PPP2R2B: variants seen among roughly 807,000 people sequenced by gnomAD.
PPP2R2B encodes the protein protein phosphatase 2 regulatory subunit Bbeta, also known as serine/threonine-protein phosphatase 2A 55 kDa regulatory subunit B beta isoform.
In PPP2R2B, 5 loss-of-function variants were observed where a neutral mutation model predicts 46.0. The observed-to-expected ratio is 0.11, with a 90% CI of 0.06 to 0.23. The LOEUF is 0.23. Ranked by LOEUF, PPP2R2B falls within the 10% of genes least tolerant of loss-of-function variation. PPP2R2B has a pLI of 1.00. For missense variants in PPP2R2B, 367 were observed against 575.0 expected, an observed-to-expected ratio of 0.64 and a Z score of 3.70; for synonymous variants, 215 against 206.7, an observed-to-expected ratio of 1.04 and a Z score of -0.34.
chr5:146,784,457 T>C (rs566648305), intron 2 of PPP2R2B, among the ~76,000 whole-genome samples: 1 of 152,304 alleles, frequency 6.6e-6, no homozygotes, highest in South Asian at 2.1e-4. Flanking sequence ...ACAACATTCC[T>C]TGGGATTATT....
chr5:146,914,887 A>T (rs1265354168), intron 1 of PPP2R2B, among the ~76,000 whole-genome samples: 1 of 152,170 alleles, frequency 6.6e-6, no homozygotes, highest in Non-Finnish European at 1.5e-5. Context: ...GCTCAAATGT[A>T]TCTCCCCTAC....
intron 2 of PPP2R2B, among the ~76,000 whole-genome samples, chr5:146,817,388 C>G (rs1430902378): frequency 6.6e-6 from 1 of 152,124 alleles, no homozygotes; most frequent in East Asian, 1.9e-4. Context: ...CCCACCACCA[C>G]CATTTTTAAA....
intron 2 of PPP2R2B, among the ~76,000 whole-genome samples, chr5:146,739,473 A>G (rs1461159413): frequency 6.6e-6 from 1 of 152,174 alleles, no homozygotes; most frequent in East Asian, 1.9e-4. Flanking sequence ...AACTCATATG[A>G]AGACTCATAG....
chr5:146,862,606 G>A (rs1384733224), intron 2 of PPP2R2B, among the ~76,000 whole-genome samples: 1 of 152,120 alleles, frequency 6.6e-6, no homozygotes, highest in Admixed American at 6.5e-5. Context: ...GGAATGGCCT[G>A]GAGTAGTGAG....
At chr5:147,012,544 A>G (rs903750579) in intron 1 of PPP2R2B, among the ~76,000 whole-genome samples, 8 of 152,048 alleles carry the variant, frequency 5.3e-5, no homozygotes, top group African/African-American at 1.9e-4. Flanking sequence ...TGGATTCATT[A>G]ATTTTTTGAA....
chr5:147,069,785 G>GTTTCTTTT (rs1757522492), intron 2 of PPP2R2B, among the ~76,000 whole-genome samples: 1 of 64,786 alleles, frequency 1.5e-5, no homozygotes, highest in African/African-American at 7.5e-5. Context: ...ATTTTATACT[G>GTTTCTTTT]TTTTTTTTTT....
Position 146,926,485 on chromosome 5 carries a change from G to A in PPP2R2B, c.79+129180C>T, listed in dbSNP as rs537046206. Reference sequence around the variant, plus strand: ...CAGCTCACTGCAAGCTCCGCCTCTCGGGTTTATGCCATTCTCCTGCCTCAG... The same window carrying A: ...CAGCTCACTGCAAGCTCCGCCTCTCAGGTTTATGCCATTCTCCTGCCTCAG... On this transcript the variant is annotated intron_variant, in intron 1 of 8. Coordinates refer to the PPP2R2B transcript ENST00000336640. Among the ~76,000 whole-genome samples, 194 of 151,946 alleles carry A rather than the reference G, an allele frequency of 1.3e-3. 3 individuals carry two copies. The highest frequency in any genetic ancestry group is 5.0e-3 in the South Asian group (24 of 4,808).
chr5:146,983,056 TC>T (rs1406506661), intron 1 of PPP2R2B, among the ~76,000 whole-genome samples: 2 of 151,998 alleles, frequency 1.3e-5, no homozygotes, highest in African/African-American at 4.8e-5. Context: ...AGGTTTTAAA[TC>T]TCTCATTTTA....
At chr5:146,661,867 A>G (rs566671078) in intron 5 of PPP2R2B, among the ~76,000 whole-genome samples, 70 of 152,226 alleles carry the variant, frequency 4.6e-4, no homozygotes, top group African/African-American at 1.6e-3. Flanking sequence ...GATGTTTTAC[A>G]TTGTGTAATG....
chr5:147,040,697 G>A, intron 1 of PPP2R2B: 4 of 436,624 alleles, frequency 9.2e-6, no homozygotes, highest in South Asian at 6.8e-5. Flanking sequence ...GGTACTCCGT[G>A]TGAGGAAGGT....
intron 7 of PPP2R2B, among the ~76,000 whole-genome samples, chr5:146,633,415 G>A (rs1347568609): frequency 6.6e-6 from 1 of 152,242 alleles, no homozygotes; most frequent in Non-Finnish European, 1.5e-5. Context: ...GTTTGAGGAG[G>A]ATGGAGAAAA....
At chr5:146,830,931 A>G (rs1758887744) in intron 2 of PPP2R2B, among the ~76,000 whole-genome samples, 1 of 152,182 alleles carries the variant, frequency 6.6e-6, no homozygotes, top group Non-Finnish European at 1.5e-5. Flanking sequence ...AGATTTTAAC[A>G]GGGCTAAAAA....
At chr5:147,023,601 G>A (rs1431897445) in intron 1 of PPP2R2B, among the ~76,000 whole-genome samples, 1 of 152,144 alleles carries the variant, frequency 6.6e-6, no homozygotes, top group East Asian at 1.9e-4. Flanking sequence ...CAGATGGCAG[G>A]CTAAGCTATA....
chr5:146,789,292 T>C (rs1288272972), intron 2 of PPP2R2B, among the ~76,000 whole-genome samples: 1 of 152,152 alleles, frequency 6.6e-6, no homozygotes, highest in East Asian at 1.9e-4. Context: ...AAAAAGATGT[T>C]GGGTATGTGA....
chr5:146,639,021 C>T (rs1436174910), intron 6 of PPP2R2B, among the ~76,000 whole-genome samples: 2 of 152,178 alleles, frequency 1.3e-5, no homozygotes, highest in Admixed American at 1.3e-4. Flanking sequence ...TACAAGAACT[C>T]TATATAATTA....
intron 1 of PPP2R2B, among the ~76,000 whole-genome samples, chr5:146,905,779 T>C (rs902418856): frequency 6.6e-6 from 1 of 152,164 alleles, no homozygotes; most frequent in African/African-American, 2.4e-5. Flanking sequence ...TATAACATTA[T>C]AGAAAAGACA....
chr5:146,969,589 C>G (rs1300051181), intron 1 of PPP2R2B, among the ~76,000 whole-genome samples: 1 of 152,198 alleles, frequency 6.6e-6, no homozygotes, highest in South Asian at 2.1e-4. Context: ...GATGCCACAG[C>G]CATCCAGGAG....
At chr5:146,700,455 A>G (rs1779463973) in intron 3 of PPP2R2B, among the ~76,000 whole-genome samples, 1 of 152,114 alleles carries the variant, frequency 6.6e-6, no homozygotes, top group African/African-American at 2.4e-5. Context: ...GAGTTACTGG[A>G]AGTTAGAACT....
chr5:146,638,534 G>T, intron 6 of PPP2R2B, 119 bp from the exon 7 acceptor site: 1 of 933,520 alleles, frequency 1.1e-6, no homozygotes, highest in East Asian at 2.8e-5. Context: ...CTATGCACAT[G>T]GTAGATCCTC....
Sources: allele counts gnomAD v4.1 joint callset (sites outside exome capture counted in the v4.1 genomes callset), GRCh38; gene constraint gnomAD v4.1.1; transcripts MANE v1.5; gene names NCBI Gene and HGNC (gene_info 2026-07-23, HGNC 2026-07-21).